Variants in SGCZ observed in about 807,000 individuals in gnomAD.
SGCZ encodes the protein sarcoglycan zeta, also known as zeta-sarcoglycan.
SGCZ carries 40 observed loss-of-function variants against 41.3 expected under a neutral mutation model. The observed-to-expected ratio is 0.97, with a 90% CI of 0.75 to 1.26. SGCZ has a LOEUF of 1.26. SGCZ is among the 50% of genes most tolerant of loss of function. The pLI, the probability that SGCZ is intolerant of heterozygous loss-of-function variation, is 0.00. For missense variants in SGCZ, 552 were observed against 369.8 expected, an observed-to-expected ratio of 1.49 and a Z score of -4.04; for synonymous variants, 206 against 137.5, an observed-to-expected ratio of 1.50 and a Z score of -3.49.
chr8:14,537,595 C>T (rs765217231), intron 2 of SGCZ, among the ~76,000 whole-genome samples: 47 of 150,908 alleles, frequency 3.1e-4, no homozygotes, highest in Non-Finnish European at 5.9e-4. Context: ...TCTCCTGGAA[C>T]AGTTGAATGT....
At chr8:14,259,329 T>C (rs908071672) in intron 3 of SGCZ, among the ~76,000 whole-genome samples, 7 of 152,132 alleles carry the variant, frequency 4.6e-5, no homozygotes. Flanking sequence ...ATCCCATTTG[T>C]CAATTTTGTC....
intron 1 of SGCZ, among the ~76,000 whole-genome samples, chr8:15,204,037 A>T (rs1800981126): frequency 6.6e-6 from 1 of 152,322 alleles, no homozygotes; most frequent in South Asian, 2.1e-4. Flanking sequence ...TGAAATAAGA[A>T]AAATTTTGTG....
intron 4 of SGCZ, among the ~76,000 whole-genome samples, chr8:14,166,489 G>A (rs1367181551): frequency 6.6e-6 from 1 of 152,078 alleles, no homozygotes; most frequent in Non-Finnish European, 1.5e-5. Flanking sequence ...CTTACTCTGA[G>A]GGACCCAGGC....
intron 1 of SGCZ, among the ~76,000 whole-genome samples, chr8:15,228,668 T>C (rs931159398): frequency 1.3e-5 from 2 of 152,068 alleles, no homozygotes; most frequent in Non-Finnish European, 2.9e-5. Flanking sequence ...AAGGCCAAAT[T>C]TGAGAGCAAT....
At position 14,387,265 on chromosome 8, in the gene SGCZ, T is replaced by G. The variant is rs547509631; in HGVS notation, c.235-63061A>C. The stretch of plus-strand genomic sequence containing the variant: ...CAGTGTCTTGCTCTGTTGCCCAGAC[T>G]GGCCTCGAACTCTTGGCCTCAAGAA... On this transcript the variant is annotated intron_variant, in intron 2 of 7. Coordinates refer to ENST00000382080, the MANE Select transcript of SGCZ (RefSeq NM_139167.4). Among the ~76,000 whole-genome samples the G allele has an allele frequency of 2.0e-5, 3 of 152,288 alleles. No homozygotes were observed. In the East Asian group the frequency reaches 5.8e-4, roughly 29 times the overall value.
intron 1 of SGCZ, among the ~76,000 whole-genome samples, chr8:14,632,913 C>T (rs1365869357): frequency 1.3e-5 from 2 of 151,854 alleles, no homozygotes; most frequent in African/African-American, 4.8e-5. Context: ...AAAATGATCA[C>T]TATGTAAGCA....
At chr8:14,121,163 G>C (rs1424142111) in intron 5 of SGCZ, among the ~76,000 whole-genome samples, 2 of 152,042 alleles carry the variant, frequency 1.3e-5, no homozygotes, top group Non-Finnish European at 2.9e-5. Context: ...CAAAGTCAAT[G>C]TTGAATATTG....
At chr8:15,088,112 C>T (rs1169547866) in intron 1 of SGCZ, among the ~76,000 whole-genome samples, 1 of 152,080 alleles carries the variant, frequency 6.6e-6, no homozygotes, top group Non-Finnish European at 1.5e-5. Context: ...TTACCATTTT[C>T]TGAGTATTCA....
At chr8:14,178,115 C>A (rs1340313877) in intron 4 of SGCZ, among the ~76,000 whole-genome samples, 2 of 151,704 alleles carry the variant, frequency 1.3e-5, no homozygotes, top group East Asian at 3.9e-4. Flanking sequence ...GAGCCATCAC[C>A]CCCGGCTAAT....
At chr8:14,598,350 C>T (rs1805481172) in intron 1 of SGCZ, among the ~76,000 whole-genome samples, 1 of 151,814 alleles carries the variant, frequency 6.6e-6, no homozygotes, top group Admixed American at 6.6e-5. Context: ...TATTGTTTAC[C>T]AACATTTAGT....
chr8:15,130,121 C>T (rs564101098), intron 1 of SGCZ, among the ~76,000 whole-genome samples: 3 of 152,150 alleles, frequency 2.0e-5, no homozygotes, highest in East Asian at 1.9e-4. Context: ...CCTTCTCTAT[C>T]GGGAGGTTTT....
chr8:15,144,112 C>G (rs1264963850), intron 1 of SGCZ, among the ~76,000 whole-genome samples: 1 of 152,172 alleles, frequency 6.6e-6, no homozygotes, highest in Non-Finnish European at 1.5e-5. Flanking sequence ...ATATCTGTTT[C>G]ATTTCTGCTT....
chr8:14,452,348 G>C (rs2116929433), intron 2 of SGCZ, among the ~76,000 whole-genome samples: 1 of 152,148 alleles, frequency 6.6e-6, no homozygotes, highest in African/African-American at 2.4e-5. Flanking sequence ...TTCCAGGACA[G>C]TAAAATTATT....
intron 2 of SGCZ, among the ~76,000 whole-genome samples, chr8:14,524,037 T>A (rs921455986): frequency 2.0e-5 from 3 of 152,156 alleles, no homozygotes; most frequent in African/African-American, 7.2e-5. Flanking sequence ...TTTACTTCTT[T>A]TATTACATTT....
intron 1 of SGCZ, among the ~76,000 whole-genome samples, chr8:14,919,649 G>A (rs1799534465): frequency 6.6e-6 from 1 of 152,122 alleles, no homozygotes; most frequent in Non-Finnish European, 1.5e-5. Flanking sequence ...TGGGTGCGAT[G>A]GCTCACGCCT....
chr8:14,945,017 A>G (rs961544970), intron 1 of SGCZ, among the ~76,000 whole-genome samples: 1 of 152,132 alleles, frequency 6.6e-6, no homozygotes, highest in Admixed American at 6.5e-5. Context: ...TTTGAACCAC[A>G]GAAGCCTCAC....
At chr8:14,337,047 G>C (rs1432097830) in intron 2 of SGCZ, among the ~76,000 whole-genome samples, 1 of 152,090 alleles carries the variant, frequency 6.6e-6, no homozygotes, top group Non-Finnish European at 1.5e-5. Context: ...TTACTGGGAG[G>C]ACTGTGAGTG....
At chr8:14,892,998 C>A (rs1805070028) in intron 1 of SGCZ, among the ~76,000 whole-genome samples, 1 of 152,130 alleles carries the variant, frequency 6.6e-6, no homozygotes, top group African/African-American at 2.4e-5. Context: ...ATATGGTAGG[C>A]AGAAGAATGA....
intron 1 of SGCZ, among the ~76,000 whole-genome samples, chr8:15,069,705 C>T (rs1023179385): frequency 6.6e-6 from 1 of 152,194 alleles, no homozygotes; most frequent in Admixed American, 6.5e-5. Context: ...TTGTGATCAT[C>T]TTGGCATATA....
Sources: gnomAD v4.1 joint callset for allele counts (sites outside exome capture counted in the v4.1 genomes callset) on GRCh38, gnomAD v4.1.1 for gene constraint, MANE v1.5 for transcripts, NCBI Gene and HGNC (gene_info 2026-07-23, HGNC 2026-07-21) for gene names.